The following ZNF665 variants were observed in gnomAD, a reference collection of about 807,000 sequenced individuals.
The protein encoded by ZNF665 is zinc finger protein 665.
In ZNF665, 6 loss-of-function variants were observed where a neutral mutation model predicts 7.9. The ratio of observed to expected loss-of-function variants is 0.76; its 90% CI spans 0.42 to 1.50. The LOEUF is 1.50. ZNF665 is among the 40% of genes most tolerant of loss of function. ZNF665 has a pLI of 0.01. For missense variants in ZNF665, 819 were observed against 806.7 expected, an observed-to-expected ratio of 1.02 and a Z score of -0.18; for synonymous variants, 242 against 274.5, an observed-to-expected ratio of 0.88 and a Z score of 1.17.
At chr19:53,184,484 G>A (rs1044302393) in intron 1 of ZNF665, among the ~76,000 whole-genome samples, 6 of 152,146 alleles carry the variant, frequency 3.9e-5, no homozygotes, top group African/African-American at 1.4e-4. Context: ...AGGTGGAGAT[G>A]CCTGTTCCAC....
At chr19:53,169,780 G>T (rs553625695) in intron 3 of ZNF665, among the ~76,000 whole-genome samples, 2 of 148,516 alleles carry the variant, frequency 1.3e-5, no homozygotes, top group African/African-American at 5.0e-5. Flanking sequence ...GAGAATATGC[G>T]GTGTTTGGTT....
chr19:53,167,831 T>C (rs966295811), intron 3 of ZNF665, among the ~76,000 whole-genome samples: 1 of 144,046 alleles, frequency 6.9e-6, no homozygotes, highest in African/African-American at 2.5e-5. Flanking sequence ...CCGAGGCGGG[T>C]GGATCACGAG....
At position 53,164,936 on chromosome 19, in the gene ZNF665, C is replaced by T. The variant is rs747879343; in HGVS notation, c.1554G>A (p.Glu518=). The T allele has an allele frequency of 1.2e-6, 2 of 1,614,164 alleles. No individual in the cohort carries two copies. The highest frequency in any genetic ancestry group is 1.1e-5 in the South Asian group (1 of 91,084). The change falls in exon 4 of 4, where the codon GAG becomes GAA. Residue 518 remains glutamate (E), a synonymous_variant. Coordinates refer to ENST00000396424, the MANE Select transcript of ZNF665 (RefSeq NM_024733.5). ...AATGAACACTAAAGGCTTTGCCACA[C>T]TCATTACACTTGTAAGGTTTTTCTC... is the stretch of plus-strand genomic sequence containing the variant. ...HTGEKPYKCN[E]CGKAFSVHSS... is the part of the protein sequence containing the mutation.
At chr19:53,173,880 T>C (rs1270767051) in intron 3 of ZNF665, among the ~76,000 whole-genome samples, 2 of 152,076 alleles carry the variant, frequency 1.3e-5, no homozygotes, top group African/African-American at 4.8e-5. Flanking sequence ...AGAGAGGACA[T>C]TTCTGTCCAC....
rs2146825619 is a variant in ZNF665 at position 53,162,964 on chromosome 19, C to T, written c.*1489G>A. 2 of 152,256 alleles carry T rather than the reference C, an allele frequency of 1.3e-5. No individual in the cohort carries two copies. The highest frequency in any genetic ancestry group is 3.9e-4 in the East Asian group (2 of 5,186). The allele number at this position is 152,256 out of a possible 1,614,324, so 9.4% of individuals were successfully genotyped here. On this transcript the variant is annotated 3_prime_UTR_variant, in exon 4 of 4. Coordinates refer to ENST00000396424, the MANE Select transcript of ZNF665 (RefSeq NM_024733.5). ...GTACCACACATCAGTCCCTAATAAG[C>T]TATTACTCTCCTCTAATAAAAATCC...
At chr19:53,167,678 C>G (rs1372362813) in intron 3 of ZNF665, among the ~76,000 whole-genome samples, 1 of 148,762 alleles carries the variant, frequency 6.7e-6, no homozygotes, top group African/African-American at 2.5e-5. Context: ...GATTTCCTGA[C>G]CTCGTGATCC....
intron 2 of ZNF665, among the ~76,000 whole-genome samples, chr19:53,176,229 A>C (rs951016331): frequency 6.6e-5 from 10 of 152,160 alleles, no homozygotes; most frequent in African/African-American, 2.2e-4. Flanking sequence ...TCAATCTCCA[A>C]CACTGCAAAA....
chr19:53,172,742 T>C (rs1168197685), intron 3 of ZNF665, among the ~76,000 whole-genome samples: 1 of 147,454 alleles, frequency 6.8e-6, no homozygotes, highest in East Asian at 2.0e-4. Flanking sequence ...GGAGAATCAC[T>C]TGAACCTGGG....
intron 2 of ZNF665, among the ~76,000 whole-genome samples, chr19:53,177,610 T>G (rs557975930): frequency 6.6e-6 from 1 of 152,098 alleles, no homozygotes; most frequent in African/African-American, 2.4e-5. Context: ...CAGTGTTAGA[T>G]AGATATTATG....
rs754678624 is a variant in ZNF665 at position 53,165,621 on chromosome 19, TA to T, written c.868del (p.Tyr290ThrfsTer44). The stretch of plus-strand genomic sequence containing the variant: ...GCACTTGCCACATTCCTTACATTTG[TA>T]AGGTTTTTCTCCAGTATGGATGACC... Reference protein sequence around the residue: ...HQVIHTGEKPYKCKECGKCFT... With the variant: ...HQVIHTGEKPXKCKECGKCFT... On this transcript the variant is annotated frameshift_variant, in exon 4 of 4. Transcript: ENST00000396424. LOFTEE classifies it low-confidence loss of function (END_TRUNC). The T allele has an allele frequency of 4.3e-6, 7 of 1,614,186 alleles. No homozygotes were observed. The highest frequency in any genetic ancestry group is 5.9e-6 in the Non-Finnish European group (7 of 1,180,034).
Position 53,163,689 on chromosome 19 carries a change from A to C in ZNF665, c.*764T>G, listed in dbSNP as rs1471877788. Reference sequence around the variant, plus strand: ...AAATACTTCAACAAAACATTTTATAAGCTGAAAGTAATTGGCCATTTCCAA... The same window carrying C: ...AAATACTTCAACAAAACATTTTATACGCTGAAAGTAATTGGCCATTTCCAA... On this transcript the variant is annotated 3_prime_UTR_variant, in exon 4 of 4. Coordinates refer to ENST00000396424, the MANE Select transcript of ZNF665 (RefSeq NM_024733.5). The C allele has an allele frequency of 6.6e-6, 1 of 152,214 alleles. No individual in the cohort carries two copies. The highest frequency in any genetic ancestry group is 2.4e-5 in the African/African-American group (1 of 41,460). 9.4% of individuals were successfully genotyped at this position (152,214 alleles called of 1,614,324 possible).
chr19:53,171,525 T>TATATATATA (rs1555804190), intron 3 of ZNF665, among the ~76,000 whole-genome samples: 880 of 37,084 alleles, frequency 0.024, 7 homozygotes, highest in Non-Finnish European at 0.023. Context: ...TATATATATA[T>TATATATATA]TTTTTTTTTT....
In ZNF665 at chr19:53,180,389, C is replaced by T. The variant is rs185948889; in HGVS notation, c.15+2495G>A. ...CAGAGGTTGCAGTGAGCCGAGATTG[C>T]GCCCCTTCACTCCAGCCTGGGCAAA... On this transcript the variant is annotated intron_variant, in intron 2 of 3. Coordinates refer to ENST00000396424, the MANE Select transcript of ZNF665 (RefSeq NM_024733.5). Among the ~76,000 whole-genome samples the T allele has an allele frequency of 7.4e-4, 113 of 151,746 alleles. No homozygotes were observed. In the East Asian group the frequency reaches 0.012, roughly 16 times the overall value.
intron 3 of ZNF665, among the ~76,000 whole-genome samples, chr19:53,172,824 CAAAAAAAAAAA>C (rs66604312): frequency 1.2e-5 from 1 of 82,698 alleles, no homozygotes; most frequent in African/African-American, 4.5e-5. Context: ...GATTCTGTCT[CAAAAAAAAAAA>C]AAAAAAAAAA....
At chr19:53,182,746 G>T in intron 2 of ZNF665, 138 bp downstream of exon 2, 1 of 1,399,626 alleles carries the variant, frequency 7.1e-7, no homozygotes, top group South Asian at 1.2e-5. Context: ...GAGATGAGAG[G>T]GACTGAGGGA....
In ZNF665 at chr19:53,165,969, C is replaced by A. The variant is rs754740016; in HGVS notation, c.521G>T (p.Arg174Leu). The change falls in exon 4 of 4, where the codon CGA becomes CTA. Residue 174 changes from arginine to leucine, a missense_variant. Transcript: ENST00000396424. ...YNQVEKSPNN[R>L]GKHYKCDECG... The stretch of plus-strand genomic sequence containing the variant: ...TTCATCACATTTATAATGTTTTCCT[C>A]GATTATTAGGAGACTTCTCAACTTG... 2 of 1,613,718 alleles carry A rather than the reference C, an allele frequency of 1.2e-6. No individual in the cohort carries two copies. Among genetic ancestry groups the A allele is most frequent in the South Asian group, 2.2e-5 (2 of 91,050 alleles).
Position 53,165,940 on chromosome 19 carries a change from C to G in ZNF665, c.550G>C (p.Gly184Arg). 6.2e-7 allele frequency: 1 copy of G among 1,614,040 alleles called. No individual in the cohort carries two copies. The highest frequency in any genetic ancestry group is 8.5e-7 in the Non-Finnish European group (1 of 1,179,982). The change falls in exon 4 of 4, where the codon GGC (glycine) becomes CGC (arginine). Residue 184 changes from glycine to arginine, a missense_variant. Coordinates refer to ENST00000396424, the MANE Select transcript of ZNF665 (RefSeq NM_024733.5). ...CGTGAGTTTTGACTGAAGACCTTGC[C>G]ACATTCATCACATTTATAATGTTTT... ...RGKHYKCDEC[G>R]KVFSQNSRLT...
In ZNF665 at chr19:53,164,910, G is replaced by T. The variant is rs77721145; in HGVS notation, c.1580C>A (p.Ser527Ter). 1 of 1,614,204 alleles carries T rather than the reference G, an allele frequency of 6.2e-7. No homozygotes were observed. The highest frequency in any genetic ancestry group is 1.7e-5 in the Admixed American group (1 of 60,024). Residue 527 changes from serine (S) to a stop codon, truncating the protein, a stop_gained, in exon 4 of 4, where the codon TCA (serine) becomes TAA (stop). Coordinates refer to ENST00000396424, the MANE Select transcript of ZNF665 (RefSeq NM_024733.5). LOFTEE classifies it low-confidence loss of function (END_TRUNC). ...TATTGTCTGATGTATAGTTAGGCTT[G>T]AATGAACACTAAAGGCTTTGCCACA... ...NECGKAFSVH[S>*]SLTIHQTIHT...
chr19:53,177,219 C>T (rs1057326808), intron 2 of ZNF665, among the ~76,000 whole-genome samples: 2 of 152,170 alleles, frequency 1.3e-5, no homozygotes, highest in African/African-American at 2.4e-5. Flanking sequence ...TCTGTTTAAT[C>T]CTGTTTCATT....
Sources: allele counts gnomAD v4.1 joint callset (sites outside exome capture counted in the v4.1 genomes callset), GRCh38; gene constraint gnomAD v4.1.1; transcripts MANE v1.5; gene names NCBI Gene and HGNC (gene_info 2026-07-23, HGNC 2026-07-21).